The following PKIA variants were observed in gnomAD, a reference collection of about 807,000 sequenced individuals.
PKIA encodes PKI-alpha.
Under a neutral mutation model 7.6 loss-of-function variants are expected in PKIA, and 4 were observed. The observed-to-expected ratio is 0.52, with a 90% CI of 0.26 to 1.20. The LOEUF is 1.20. PKIA is among the 50% of genes most tolerant of loss of function. The pLI, the probability that PKIA is intolerant of heterozygous loss-of-function variation, is 0.13. For missense variants in PKIA, 73 were observed against 86.2 expected, an observed-to-expected ratio of 0.85 and a Z score of 0.61; for synonymous variants, 21 against 30.7, an observed-to-expected ratio of 0.68 and a Z score of 1.04.
At chr8:78,531,308 C>T (rs1227181028) in intron 1 of PKIA, among the ~76,000 whole-genome samples, 4 of 151,942 alleles carry the variant, frequency 2.6e-5, no homozygotes, top group African/African-American at 7.2e-5. Flanking sequence ...TATTGACAAC[C>T]GATAATGCCA....
At chr8:78,596,872 G>GAA (rs1680347524) in intron 2 of PKIA, among the ~76,000 whole-genome samples, 1 of 152,138 alleles carries the variant, frequency 6.6e-6, no homozygotes, top group African/African-American at 2.4e-5. Flanking sequence ...ATGGTAAAAG[G>GAA]AAAAGGTCCA....
Position 78,529,274 on chromosome 8 carries a change from T to A in PKIA, c.-157+12806T>A, listed in dbSNP as rs542103554. 6.3e-4 allele frequency among the ~76,000 whole-genome samples: 96 copies of A among 152,244 alleles called. No individual in the cohort carries two copies. In the Middle Eastern group the frequency reaches 0.01, roughly 16 times the overall value. ...AATTCATTGTACCACATCAGTGTTA[T>A]CTCAATAGTGTGATCAACAGATGAC... On this transcript the variant is annotated intron_variant, in intron 1 of 3. Coordinates refer to ENST00000396418, the MANE Select transcript of PKIA (RefSeq NM_006823.4).
At chr8:78,531,068 C>A (rs1420206701) in intron 1 of PKIA, among the ~76,000 whole-genome samples, 1 of 151,976 alleles carries the variant, frequency 6.6e-6, no homozygotes, top group Non-Finnish European at 1.5e-5. Flanking sequence ...GTGAAGAGTT[C>A]CTGATTTAAG....
chr8:78,553,939 G>C (rs1043872220), intron 1 of PKIA, among the ~76,000 whole-genome samples: 1 of 151,954 alleles, frequency 6.6e-6, no homozygotes, highest in African/African-American at 2.4e-5. Flanking sequence ...ACAGGCAGCA[G>C]AACACGGGAT....
intron 1 of PKIA, among the ~76,000 whole-genome samples, chr8:78,532,448 T>A (rs952503015): frequency 4.0e-5 from 6 of 150,648 alleles, no homozygotes; most frequent in Admixed American, 2.0e-4. Context: ...AGGCGGAGCT[T>A]GCAGTGAGCT....
intron 2 of PKIA, among the ~76,000 whole-genome samples, chr8:78,588,797 A>G (rs577209590): frequency 1.8e-4 from 28 of 152,034 alleles, no homozygotes; most frequent in Admixed American, 3.9e-4. Flanking sequence ...CTCTTTTCCT[A>G]TATGGGAGTA....
intron 2 of PKIA, among the ~76,000 whole-genome samples, chr8:78,597,649 A>T (rs7817531): frequency 0.11 from 16,751 of 152,228 alleles, 1,198 homozygotes; most frequent in African/African-American, 0.19. Flanking sequence ...TAGAGAAAGA[A>T]AATTTTATAA....
Position 78,601,827 on chromosome 8 carries a change from C to G in PKIA, c.*6C>G. 1.2e-6 allele frequency: 2 copies of G among 1,603,246 alleles called. No individual in the cohort carries two copies. The highest frequency in any genetic ancestry group is 1.7e-6 in the Non-Finnish European group (2 of 1,170,824). On this transcript the variant is annotated 3_prime_UTR_variant, in exon 4 of 4. Coordinates refer to ENST00000396418, the MANE Select transcript of PKIA (RefSeq NM_006823.4). ...CAGCAAAATCTGAAAGCTAACACCC[C>G]ACTTTGACCCTCGACCACACCTGAA...
intron 1 of PKIA, among the ~76,000 whole-genome samples, chr8:78,538,641 T>C (rs1267732516): frequency 1.3e-5 from 2 of 151,958 alleles, no homozygotes; most frequent in African/African-American, 2.4e-5. Flanking sequence ...TTCTGCACTT[T>C]ACCTCATCTG....
At chr8:78,526,985 G>A (rs1043657327) in intron 1 of PKIA, among the ~76,000 whole-genome samples, 2 of 152,042 alleles carry the variant, frequency 1.3e-5, no homozygotes, top group Non-Finnish European at 2.9e-5. Flanking sequence ...TACAAAAACT[G>A]TGTAGGACCT....
chr8:78,567,141 C>G (rs986218460), intron 1 of PKIA, among the ~76,000 whole-genome samples: 1 of 152,030 alleles, frequency 6.6e-6, no homozygotes, highest in Non-Finnish European at 1.5e-5. Context: ...ATAGAGATTT[C>G]TCATACATAC....
intron 2 of PKIA, among the ~76,000 whole-genome samples, chr8:78,593,164 C>A (rs117117202): frequency 0.027 from 4,143 of 152,194 alleles, 95 homozygotes; most frequent in Non-Finnish European, 0.039. Context: ...GCTCTGTCAC[C>A]CAGGCTGAAA....
At chr8:78,599,050 C>T (rs1434499047) in intron 3 of PKIA, among the ~76,000 whole-genome samples, 1 of 151,942 alleles carries the variant, frequency 6.6e-6, no homozygotes, top group African/African-American at 2.4e-5. Context: ...GTAAAAGGGT[C>T]TTTGGTTTCC....
chr8:78,599,131 T>C (rs1808297652), intron 3 of PKIA, among the ~76,000 whole-genome samples: 1 of 152,106 alleles, frequency 6.6e-6, no homozygotes, highest in Non-Finnish European at 1.5e-5. Flanking sequence ...CCAAGGAGTC[T>C]ATCTTCATTA....
At chr8:78,574,134 T>C (rs1807619419) in intron 2 of PKIA, among the ~76,000 whole-genome samples, 1 of 152,064 alleles carries the variant, frequency 6.6e-6, no homozygotes, top group South Asian at 2.1e-4. Flanking sequence ...TTCAGATTTA[T>C]AACTGATAAC....
At chr8:78,546,930 T>G (rs1332668641) in intron 1 of PKIA, among the ~76,000 whole-genome samples, 1 of 152,192 alleles carries the variant, frequency 6.6e-6, no homozygotes, top group African/African-American at 2.4e-5. Context: ...GAATGAGATC[T>G]GTCCACTCAT....
intron 1 of PKIA, among the ~76,000 whole-genome samples, chr8:78,548,210 A>G (rs572046842): frequency 5.6e-4 from 86 of 152,298 alleles, no homozygotes; most frequent in Non-Finnish European, 9.3e-4. Context: ...TAGCCTCATT[A>G]TGGAGGTGAG....
intron 1 of PKIA, among the ~76,000 whole-genome samples, chr8:78,537,122 C>T (rs1316826963): frequency 2.0e-5 from 3 of 151,584 alleles, no homozygotes; most frequent in African/African-American, 7.3e-5. Context: ...TTTGATAAAC[C>T]TCTGTACCAG....
At chr8:78,566,172 A>G (rs1207843733) in intron 1 of PKIA, among the ~76,000 whole-genome samples, 2 of 152,060 alleles carry the variant, frequency 1.3e-5, no homozygotes, top group Non-Finnish European at 2.9e-5. Context: ...TATAGTAATT[A>G]TTTTTAAGAG....
Sources: gnomAD v4.1 joint callset for allele counts (sites outside exome capture counted in the v4.1 genomes callset) on GRCh38, gnomAD v4.1.1 for gene constraint, MANE v1.5 for transcripts, NCBI Gene and HGNC (gene_info 2026-07-23, HGNC 2026-07-21) for gene names.